PTPRG: variants seen among roughly 807,000 people sequenced by gnomAD.
PTPRG encodes receptor-type tyrosine-protein phosphatase gamma.
PTPRG carries 102 observed loss-of-function variants against 165.3 expected under a neutral mutation model. The ratio of observed to expected loss-of-function variants is 0.62; its 90% CI spans 0.53 to 0.73. The LOEUF is 0.73. PTPRG is among the 30% of genes least tolerant of loss of function. The pLI is 0.00. For missense variants in PTPRG, 1,866 were observed against 1,861.4 expected (o/e 1.00, Z -0.05); for synonymous variants, 675 against 669.5 (o/e 1.01, Z -0.13).
chr3:62,124,328 C>T (rs1703202729), intron 5 of PTPRG: 5 of 1,611,126 alleles, frequency 3.1e-6, no homozygotes, highest in African/African-American at 1.3e-5. Flanking sequence ...CTGGTTCTGC[C>T]CGGGTCTCTG....
rs762511464 is a variant in PTPRG, at chr3:62,281,676, T to A, written c.3879T>A (p.Ile1293=). The change falls in exon 27 of 30, where the codon ATT becomes ATA. Residue 1293 remains isoleucine, a synonymous_variant. Coordinates refer to ENST00000474889, the MANE Select transcript of PTPRG (RefSeq NM_002841.4). The part of the protein sequence containing the change: ...DRLCLSNEEQ[I]IIHDFILEAT... Reference sequence around the variant, plus strand: ...TGTGCCTCTCTAATGAAGAACAAATTATCATCCATGACTTTATCCTTGAAG... The same window carrying A: ...TGTGCCTCTCTAATGAAGAACAAATAATCATCCATGACTTTATCCTTGAAG... The A allele has an allele frequency of 2.5e-6, 4 of 1,611,606 alleles. No individual in the cohort carries two copies. In the South Asian group the frequency reaches 3.3e-5, roughly 13 times the overall value.
chr3:61,625,790 G>A (rs531159166), intron 1 of PTPRG, among the ~76,000 whole-genome samples: 2 of 152,118 alleles, frequency 1.3e-5, no homozygotes, highest in African/African-American at 4.8e-5. Context: ...AGCTCAGTAA[G>A]GTGGGACTTG....
intron 1 of PTPRG, among the ~76,000 whole-genome samples, chr3:61,626,984 A>G (rs1701628328): frequency 6.6e-6 from 1 of 152,220 alleles, no homozygotes; most frequent in African/African-American, 2.4e-5. Context: ...TATCCAATTT[A>G]TGTATGGAAT....
chr3:61,748,655 G>A (rs2033304666), intron 1 of PTPRG, among the ~76,000 whole-genome samples: 1 of 151,792 alleles, frequency 6.6e-6, no homozygotes, highest in Non-Finnish European at 1.5e-5. Flanking sequence ...TGCACTTCTT[G>A]GCACAAAGTA....
intron 8 of PTPRG, among the ~76,000 whole-genome samples, chr3:62,170,123 A>G (rs1484764909): frequency 3.3e-5 from 5 of 152,166 alleles, no homozygotes; most frequent in Non-Finnish European, 7.3e-5. Context: ...TTTGGGGACA[A>G]TAGATTGTCA....
chr3:62,065,117 G>T (rs114384760), intron 4 of PTPRG, among the ~76,000 whole-genome samples: 1 of 152,056 alleles, frequency 6.6e-6, no homozygotes, highest in Non-Finnish European at 1.5e-5. Flanking sequence ...GTTACGAATG[G>T]TATAGGAAAA....
At position 62,277,012 on chromosome 3, in the gene PTPRG, G is replaced by GA; in HGVS notation, c.3603dup (p.Gly1202ArgfsTer6). 1 of 1,613,100 alleles carries GA rather than the reference G, an allele frequency of 6.2e-7. No homozygotes were observed. The highest frequency in any genetic ancestry group is 8.5e-7 in the Non-Finnish European group (1 of 1,179,328). On this transcript the variant is annotated frameshift_variant, in exon 25 of 30. Coordinates refer to ENST00000474889, the MANE Select transcript of PTPRG (RefSeq NM_002841.4). LOFTEE classifies it high-confidence loss of function. The stretch of plus-strand genomic sequence containing the variant: ...TGGGTCTTGCACCATTGCCTGGAAT[G>GA]AAAGGAACAGATTACATTAATGCTT...
chr3:62,278,400 A>C lies in PTPRG; in HGVS notation c.3765+721A>C, dbSNP rs540653724. Reference sequence around the variant, plus strand: ...CTTTTCCCTCCCTTAGTCCTTCTCTATTTCAGTCTCTAAACTATACAGAAG... The same window carrying C: ...CTTTTCCCTCCCTTAGTCCTTCTCTCTTTCAGTCTCTAAACTATACAGAAG... On this transcript the variant is annotated intron_variant, in intron 26 of 29. Transcript: ENST00000474889. 7.9e-5 allele frequency among the ~76,000 whole-genome samples: 12 copies of C among 152,102 alleles called. No homozygotes were observed. In the East Asian group the frequency reaches 2.3e-3, roughly 29 times the overall value.
In PTPRG at chr3:61,881,056, A is replaced by G. The variant is rs144238435; in HGVS notation, c.191-108569A>G. On this transcript the variant is annotated intron_variant, in intron 2 of 29. Coordinates refer to ENST00000474889, the MANE Select transcript of PTPRG (RefSeq NM_002841.4). Reference sequence around the variant, plus strand: ...TAATATCATTTGTGGCCCTGTCCTTATCATTTTACAAGGGTTTTTTTTTTC... The same window carrying G: ...TAATATCATTTGTGGCCCTGTCCTTGTCATTTTACAAGGGTTTTTTTTTTC... Among the ~76,000 whole-genome samples, 144 of 149,226 alleles carry G rather than the reference A, an allele frequency of 9.6e-4. 3 individuals are homozygous for G. The East Asian group carries it at 0.024, about 24-fold the overall frequency.
At chr3:61,806,261 A>G (rs768533772) in intron 2 of PTPRG, among the ~76,000 whole-genome samples, 2 of 152,216 alleles carry the variant, frequency 1.3e-5, no homozygotes, top group Non-Finnish European at 2.9e-5. Context: ...GAATGATCTT[A>G]GAATGAACCT....
chr3:61,804,406 A>G (rs2035347452), intron 2 of PTPRG, among the ~76,000 whole-genome samples: 1 of 152,154 alleles, frequency 6.6e-6, no homozygotes, highest in African/African-American at 2.4e-5. Flanking sequence ...TTGTAAAGGG[A>G]TGTAATCTCA....
intron 5 of PTPRG, among the ~76,000 whole-genome samples, chr3:62,109,795 G>T (rs1702602048): frequency 6.6e-6 from 1 of 152,186 alleles, no homozygotes; most frequent in Non-Finnish European, 1.5e-5. Flanking sequence ...GTCTTTCTGG[G>T]CTGCTCCTTC....
intron 1 of PTPRG, among the ~76,000 whole-genome samples, chr3:61,629,132 T>C (rs1391873149): frequency 6.6e-6 from 1 of 152,194 alleles, no homozygotes. Context: ...GGCACCTGCA[T>C]GAACTTCCAG....
At chr3:61,897,195 C>T (rs2038380588) in intron 2 of PTPRG, among the ~76,000 whole-genome samples, 1 of 151,988 alleles carries the variant, frequency 6.6e-6, no homozygotes, top group Admixed American at 6.6e-5. Flanking sequence ...AGATTCTCTC[C>T]TATGTTTTTC....
intron 2 of PTPRG, among the ~76,000 whole-genome samples, chr3:61,934,854 CTTATTTGTCCTGTTGTGTAT>C (rs1254151485): frequency 1.3e-5 from 2 of 152,160 alleles, no homozygotes; most frequent in Non-Finnish European, 2.9e-5. Flanking sequence ...CCATGGGGAG[CTTATTTGTCCTGTTGTGTAT>C]CATGCCCCTG....
chr3:62,289,162 A>G (rs568265476), intron 28 of PTPRG, among the ~76,000 whole-genome samples: 7 of 152,130 alleles, frequency 4.6e-5, no homozygotes, highest in African/African-American at 1.7e-4. Context: ...AATGTGCCTT[A>G]TTTATTCAAC....
In PTPRG at chr3:62,203,083, C is replaced by T. The variant is rs1700133272; in HGVS notation, c.1378-90C>T. On this transcript the variant is annotated intron_variant, in intron 11 of 29. Coordinates refer to ENST00000474889, the MANE Select transcript of PTPRG (RefSeq NM_002841.4). This position sits in a 1 kb window ranked among gnomAD's most constrained non-coding sequence, Gnocchi z 6.4. ...AGTAAAATCCTCAGAGGGTGACAAC[C>T]AGGGCCTCATTCCCAATCTCAATTA... 1 of 1,510,790 alleles carries T rather than the reference C, an allele frequency of 6.6e-7. No individual in the cohort carries two copies. The highest frequency in any genetic ancestry group is 8.8e-7 in the Non-Finnish European group (1 of 1,130,196). The allele number at this position is 1,510,790 out of a possible 1,614,324, so 93.6% of individuals were successfully genotyped here. A position where few individuals can be genotyped will look rare whatever the true frequency, so the allele number is the denominator to read the frequency against.
intron 2 of PTPRG, among the ~76,000 whole-genome samples, chr3:61,920,287 A>T (rs1333248776): frequency 6.6e-6 from 1 of 152,180 alleles, no homozygotes; most frequent in African/African-American, 2.4e-5. Context: ...AGAAATGCTC[A>T]TCACTCTCAG....
chr3:62,088,143 T>C (rs1168693548), intron 5 of PTPRG, among the ~76,000 whole-genome samples: 1 of 152,292 alleles, frequency 6.6e-6, no homozygotes, highest in East Asian at 1.9e-4. Context: ...AATGTGGCCA[T>C]GTCTGGAAAC....
Sources: allele counts gnomAD v4.1 joint callset (sites outside exome capture counted in the v4.1 genomes callset), GRCh38; gene constraint gnomAD v4.1.1; non-coding constraint Gnocchi (gnomAD v3.1); transcripts MANE v1.5; gene names NCBI Gene and HGNC (gene_info 2026-07-23, HGNC 2026-07-21).